SVIL: variants seen among roughly 807,000 people sequenced by gnomAD.
SVIL encodes supervillin.
Under a neutral mutation model 240.4 loss-of-function variants are expected in SVIL, and 101 were observed. The ratio of observed to expected loss-of-function variants is 0.42; its 90% confidence interval spans 0.36 to 0.50. The LOEUF (loss-of-function observed/expected upper bound fraction) is 0.50. SVIL is among the 20% of genes least tolerant of loss of function. SVIL has a pLI of 0.01. For missense variants in SVIL, 2,512 were observed against 2,818.7 expected (o/e 0.89, Z 2.46); for synonymous variants, 999 against 1,100.0 (o/e 0.91, Z 1.82).
At chr10:29,486,871 G>A (rs1365220869) in intron 24 of SVIL, among the ~76,000 whole-genome samples, 1 of 152,224 alleles carries the variant, frequency 6.6e-6, no homozygotes, top group East Asian at 1.9e-4. Context: ...GAACTTCAGA[G>A]CTACCTGGGA....
At chr10:29,602,940 C>G (rs1956871522) in intron 1 of SVIL, among the ~76,000 whole-genome samples, 1 of 151,882 alleles carries the variant, frequency 6.6e-6, no homozygotes, top group Non-Finnish European at 1.5e-5. Flanking sequence ...GAGCCATGAT[C>G]ACACCATTGC....
At chr10:29,492,021 C>A (rs1948009224) in intron 21 of SVIL, among the ~76,000 whole-genome samples, 1 of 152,148 alleles carries the variant, frequency 6.6e-6, no homozygotes, top group Non-Finnish European at 1.5e-5. Flanking sequence ...GTATATGTCA[C>A]TGACAATTTT....
At chr10:29,568,319 T>C (rs1955159055) in intron 2 of SVIL, among the ~76,000 whole-genome samples, 1 of 151,962 alleles carries the variant, frequency 6.6e-6, no homozygotes, top group South Asian at 2.1e-4. Context: ...CATTTTCAAA[T>C]GCAGAGCAGG....
chr10:29,714,685 C>T (rs146479378), intron 1 of SVIL, among the ~76,000 whole-genome samples: 1 of 151,960 alleles, frequency 6.6e-6, no homozygotes, highest in Non-Finnish European at 1.5e-5. Flanking sequence ...CTTGGCCGGG[C>T]GTGGTGACTC....
intron 2 of SVIL, among the ~76,000 whole-genome samples, chr10:29,670,013 G>C (rs552908741): frequency 1.3e-4 from 20 of 152,070 alleles, no homozygotes; most frequent in Admixed American, 1.1e-3. Context: ...CACCTGGGAG[G>C]CTGAGCAGGG....
intron 7 of SVIL, 40 bp downstream of exon 7, chr10:29,535,949 A>C: frequency 6.2e-7 from 1 of 1,601,550 alleles, no homozygotes; most frequent in Non-Finnish European, 8.6e-7. Flanking sequence ...AGGAAGCAAC[A>C]CTCATGCACA....
chr10:29,726,703 C>T (rs866034480), intron 1 of SVIL, among the ~76,000 whole-genome samples: 2 of 151,956 alleles, frequency 1.3e-5, no homozygotes, highest in East Asian at 1.9e-4. Context: ...GCCAAGATCA[C>T]GCTGCTGCAC....
intron 1 of SVIL, among the ~76,000 whole-genome samples, chr10:29,623,461 C>T (rs1957740962): frequency 6.6e-6 from 1 of 152,250 alleles, no homozygotes. Context: ...GATCTCATTT[C>T]AGTGGAGGAT....
At chr10:29,512,675 T>C (rs1949923457) in intron 17 of SVIL, 60 bp downstream of exon 17, 1 of 1,613,130 alleles carries the variant, frequency 6.2e-7, no homozygotes, top group Non-Finnish European at 8.5e-7. Context: ...GCTTGTCTTT[T>C]TGATGCACTT....
At chr10:29,524,320 A>G in intron 14 of SVIL, 152 bp downstream of exon 14, 1 of 1,291,130 alleles carries the variant, frequency 7.7e-7, no homozygotes, top group Non-Finnish European at 1.1e-6. Context: ...TAGAATTCTC[A>G]TTTTTAGGAA....
chr10:29,676,386 G>GTGTA (rs1317181650), intron 2 of SVIL, among the ~76,000 whole-genome samples: 6 of 152,026 alleles, frequency 3.9e-5, no homozygotes, highest in Admixed American at 2.6e-4. Flanking sequence ...GAGTGTGTGT[G>GTGTA]TGTGTGTGCG....
intron 36 of SVIL, among the ~76,000 whole-genome samples, chr10:29,459,901 G>C (rs1008041421): frequency 5.9e-5 from 9 of 152,032 alleles, no homozygotes; most frequent in African/African-American, 2.2e-4. Flanking sequence ...GACCAGCTTG[G>C]GCAATATGAT....
In SVIL at chr10:29,524,021, T is replaced by A. The variant is rs758139861; in HGVS notation, c.2593A>T (p.Ser865Cys). The A allele has an allele frequency of 1.9e-6, 3 of 1,603,378 alleles. No individual in the cohort carries two copies. In the East Asian group the frequency reaches 6.7e-5, roughly 36 times the overall value. The change falls in exon 15 of 38, where the codon AGT (serine) becomes TGT (cysteine). Residue 865 changes from serine to cysteine, a missense_variant. Physicochemically the swap from Ser to Cys is moderately radical, Grantham distance 112. Transcript: ENST00000355867. ...GGTGAGAAAGGAATGAGCTTTCCAC[T>A]CTGCACCTGGAAGGACACAGTTAAA... ...VTLGEVEQVQ[S>C]GKLIPFSPAV...
At chr10:29,663,813 G>T (rs1241873741) in intron 2 of SVIL, among the ~76,000 whole-genome samples, 1 of 152,220 alleles carries the variant, frequency 6.6e-6, no homozygotes, top group Non-Finnish European at 1.5e-5. Context: ...GGAGGCAGTG[G>T]GCAGAGCAGC....
intron 2 of SVIL, among the ~76,000 whole-genome samples, chr10:29,565,130 A>G (rs540734132): frequency 6.6e-6 from 1 of 152,230 alleles, no homozygotes; most frequent in Non-Finnish European, 1.5e-5. Flanking sequence ...CAGGCCACTT[A>G]CCTTGCGGTA....
At chr10:29,613,449 C>T (rs1170307773) in intron 1 of SVIL, among the ~76,000 whole-genome samples, 1 of 152,064 alleles carries the variant, frequency 6.6e-6, no homozygotes. Context: ...GCTTCTGCCT[C>T]AGCCTTGCAA....
intron 1 of SVIL, among the ~76,000 whole-genome samples, chr10:29,627,037 GAAAATAAAAT>G (rs142035627): frequency 0.099 from 14,913 of 150,912 alleles, 840 homozygotes; most frequent in Admixed American, 0.14. Context: ...AAAATAAAAT[GAAAATAAAAT>G]AAAATAAAAT....
At chr10:29,538,391 C>T (rs1195246686) in intron 6 of SVIL, among the ~76,000 whole-genome samples, 2 of 152,206 alleles carry the variant, frequency 1.3e-5, no homozygotes, top group African/African-American at 4.8e-5. Flanking sequence ...GGACTACCAC[C>T]AGGGTGGTGA....
At position 29,569,356 on chromosome 10, in the gene SVIL, T is replaced by C. The variant is rs1416697017; in HGVS notation, c.-200-44A>G. On this transcript the variant is annotated intron_variant, in intron 1 of 37. Coordinates refer to ENST00000355867, the MANE Select transcript of SVIL (RefSeq NM_021738.3). ...TGTAACATTGAAATAGTTATGCAAA[T>C]TGTTAAAAATCCGGTGAGAAAAAAC... 1.1e-5 allele frequency: 10 copies of C among 941,024 alleles called. No individual in the cohort carries two copies. The South Asian group carries it at 2.9e-4, about 28-fold the overall frequency. 58.3% of individuals were successfully genotyped at this position (941,024 alleles called of 1,614,324 possible).
Sources: gnomAD v4.1 joint callset for allele counts (sites outside exome capture counted in the v4.1 genomes callset) on GRCh38, gnomAD v4.1.1 for gene constraint, MANE v1.5 for transcripts, NCBI Gene and HGNC (gene_info 2026-07-23, HGNC 2026-07-21) for gene names.